The following GHSR variants were observed in gnomAD, a reference collection of about 807,000 sequenced individuals.
GHSR encodes the protein growth hormone secretagogue receptor type 1.
Under a neutral mutation model 24.0 loss-of-function variants are expected in GHSR, and 17 were observed. The ratio of observed to expected loss-of-function variants is 0.71; its 90% CI spans 0.49 to 1.06. The LOEUF is 1.06. Ranked by LOEUF, GHSR falls within the 50% of genes least tolerant of loss-of-function variation. The probability of loss-of-function intolerance (pLI) is 0.00; values close to 1 mark genes in which losing one functional copy is unlikely to be tolerated. For missense variants in GHSR, 504 were observed against 483.1 expected (o/e 1.04, Z -0.41); for synonymous variants, 238 against 208.1 (o/e 1.14, Z -1.24).
rs1737542172 is a variant in GHSR, at chr3:172,448,396, G to A, written c.18C>T (p.Pro6=). 2 of 1,595,778 alleles carry A rather than the reference G, an allele frequency of 1.3e-6. No individual in the cohort carries two copies. Among genetic ancestry groups the A allele is most frequent in the Admixed American group, 1.7e-5 (1 of 59,640 alleles). MWNAT[P]SEEPGFNLTL... ...TGAGGTTGAACCCCGGCTCTTCGCT[G>A]GGCGTCGCGTTCCACATGCTGCCGG... Residue 6 remains proline (P), a synonymous_variant, in exon 1 of 2, where the codon CCC becomes CCT. Coordinates refer to ENST00000241256, the MANE Select transcript of GHSR (RefSeq NM_198407.2). The surrounding 1 kb of genome is among the most constrained non-coding windows in gnomAD (Gnocchi z 4.8).
In GHSR at chr3:172,447,744, G is replaced by C. The variant is rs2108426201; in HGVS notation, c.670C>G (p.Pro224Ala). 17 of 1,614,164 alleles carry C rather than the reference G, an allele frequency of 1.1e-5. No individual in the cohort carries two copies. Among genetic ancestry groups the C allele is most frequent in the Non-Finnish European group, 1.4e-5 (17 of 1,180,034 alleles). ...TAGAGGACCGTGAGACAGAAGACAG[G>C]AAGGAAGAAGAAGATGCTGGACACC... Reference protein sequence around the residue: ...VWVSSIFFFLPVFCLTVLYSL... With the variant: ...VWVSSIFFFLAVFCLTVLYSL... The change falls in exon 1 of 2, where the codon CCT becomes GCT. Residue 224 changes from proline (P) to alanine (A), a missense_variant. Coordinates refer to ENST00000241256, the MANE Select transcript of GHSR (RefSeq NM_198407.2).
At chr3:172,445,492 T>C (rs1737439124) in intron 1 of GHSR, 27 bp from the exon 2 acceptor site, 1 of 1,599,114 alleles carries the variant, frequency 6.3e-7, no homozygotes, top group Non-Finnish European at 8.5e-7. Context: ...AGAGAGATAG[T>C]CAGCTCAAGA....
chr3:172,448,383 C>G lies in GHSR; in HGVS notation c.31G>C (p.Gly11Arg). The change falls in exon 1 of 2, where the codon GGG becomes CGG. Residue 11 changes from glycine (G) to arginine (R), a missense_variant. By Grantham distance (125) the Gly-to-Arg change is moderately radical (BLOSUM62 -2). Coordinates refer to ENST00000241256, the MANE Select transcript of GHSR (RefSeq NM_198407.2). The surrounding 1 kb of genome is among the most constrained non-coding windows in gnomAD (Gnocchi z 4.8). ...AGGTCGGCCAGTGTGAGGTTGAACC[C>G]CGGCTCTTCGCTGGGCGTCGCGTTC... MWNATPSEEP[G>R]FNLTLADLDW... 6.3e-7 allele frequency: 1 copy of G among 1,598,696 alleles called. No individual in the cohort carries two copies.
Position 172,444,427 on chromosome 3 carries a change from T to G in GHSR, c.*734A>C, listed in dbSNP as rs1737411536. ...GCAACTGAAGAACTGAATTTTTAAC[T>G]TTAATTAATTTTAAGTTTAAAGGTT... On this transcript the variant is annotated 3_prime_UTR_variant, in exon 2 of 2. Transcript: ENST00000241256. 6.6e-6 allele frequency among the ~76,000 whole-genome samples: 1 copy of G among 152,232 alleles called. No homozygotes were observed. The highest frequency in any genetic ancestry group is 2.4e-5 in the African/African-American group (1 of 41,452).
At position 172,448,046 on chromosome 3, in the gene GHSR, C is replaced by T. The variant is rs1737522535; in HGVS notation, c.368G>A (p.Ser123Asn). 3 of 1,614,092 alleles carry T rather than the reference C, an allele frequency of 1.9e-6. No individual in the cohort carries two copies. Among genetic ancestry groups the T allele is most frequent in the East Asian group, 2.2e-5 (1 of 44,894 alleles). The stretch of plus-strand genomic sequence containing the variant: ...CACCGTGGCGTAGGTGCAGCTCTCA[C>T]TGACGAATTGGAAGAGTTTGCAGAG... The part of the protein sequence containing the change: ...DLLCKLFQFV[S>N]ESCTYATVLT... The change falls in exon 1 of 2, where the codon AGT becomes AAT. Residue 123 changes from serine to asparagine, a missense_variant. Ser to Asn is a conservative substitution (Grantham distance 46). Transcript: ENST00000241256. The surrounding 1 kb of genome is among the most constrained non-coding windows in gnomAD (Gnocchi z 4.8).
In GHSR at chr3:172,443,389, A is replaced by C. The variant is rs976988745; in HGVS notation, c.*1772T>G. Among the ~76,000 whole-genome samples the C allele has an allele frequency of 2.6e-5, 4 of 152,210 alleles. No homozygotes were observed. Among genetic ancestry groups the C allele is most frequent in the South Asian group, 4.1e-4 (2 of 4,824 alleles). On this transcript the variant is annotated 3_prime_UTR_variant, in exon 2 of 2. Coordinates refer to ENST00000241256, the MANE Select transcript of GHSR (RefSeq NM_198407.2). ...TGGTGCAGTTTTAGTGTCAGAACGA[A>C]TCTCAGAAATATTTTTCTAGAGAAA... is the stretch of plus-strand genomic sequence containing the variant.
At position 172,445,048 on chromosome 3, in the gene GHSR, G is replaced by A. The variant is rs1420457147; in HGVS notation, c.*113C>T. 2.3e-4 allele frequency: 269 copies of A among 1,182,800 alleles called. 1 individual carries two copies. Among genetic ancestry groups the A allele is most frequent in the South Asian group, 8.7e-4 (70 of 80,312 alleles). The allele number at this position is 1,182,800 out of a possible 1,614,324, so 73.3% of individuals were successfully genotyped here. The stretch of plus-strand genomic sequence containing the variant: ...TCTTTTTTCCCTCCCAGATGTTTCT[G>A]GATCTATGTGTTCCTAATTCCAAAA... On this transcript the variant is annotated 3_prime_UTR_variant, in exon 2 of 2. Coordinates refer to ENST00000241256, the MANE Select transcript of GHSR (RefSeq NM_198407.2).
chr3:172,443,871 A>G lies in GHSR; in HGVS notation c.*1290T>C, dbSNP rs747895075. Among the ~76,000 whole-genome samples, 2 of 152,180 alleles carry G rather than the reference A, an allele frequency of 1.3e-5. No homozygotes were observed. The highest frequency in any genetic ancestry group is 1.9e-4 in the East Asian group (1 of 5,190). On this transcript the variant is annotated 3_prime_UTR_variant, in exon 2 of 2. Coordinates refer to ENST00000241256, the MANE Select transcript of GHSR (RefSeq NM_198407.2). ...CATAGACATTTAAAAATAAATGGCTATAAGATTTTTGAAAGTTTTTAATAT... is the reference window on the plus strand; with the variant it reads ...CATAGACATTTAAAAATAAATGGCTGTAAGATTTTTGAAAGTTTTTAATAT...
chr3:172,447,003 A>T (rs1737476734), intron 1 of GHSR, among the ~76,000 whole-genome samples: 1 of 152,230 alleles, frequency 6.6e-6, no homozygotes, highest in African/African-American at 2.4e-5. Context: ...TTATCTGAAA[A>T]AATGCAGGGC....
chr3:172,446,175 T>C (rs556161835), intron 1 of GHSR, among the ~76,000 whole-genome samples: 3 of 152,330 alleles, frequency 2.0e-5, no homozygotes, highest in South Asian at 2.1e-4. Flanking sequence ...TAACAAATAA[T>C]TTTTTAGTCG....
In GHSR at chr3:172,447,773, A is replaced by G. The variant is rs201709129; in HGVS notation, c.641T>C (p.Val214Ala). ...AVRSGLLTVM[V>A]WVSSIFFFLP... ...GAAGAAGAAGATGCTGGACACCCAC[A>G]CCATGACCGTGAGCAGTCCAGAGCG... Residue 214 changes from valine (V) to alanine (A), a missense_variant, in exon 1 of 2, where the codon GTG (valine) becomes GCG (alanine). Val to Ala is a moderately conservative substitution (Grantham distance 64). Transcript: ENST00000241256. 6.2e-7 allele frequency: 1 copy of G among 1,613,998 alleles called. No homozygotes were observed. The highest frequency in any genetic ancestry group is 1.7e-5 in the Admixed American group (1 of 60,022).
chr3:172,443,572 A>G lies in GHSR; in HGVS notation c.*1589T>C, dbSNP rs1181551288. Among the ~76,000 whole-genome samples, 1 of 152,222 alleles carries G rather than the reference A, an allele frequency of 6.6e-6. No individual in the cohort carries two copies. The highest frequency in any genetic ancestry group is 1.5e-5 in the Non-Finnish European group (1 of 68,030). ...TCCATAGTTGTGAACCAATAACTTC[A>G]TGAAGGAACTGCTTATATGACTAAG... On this transcript the variant is annotated 3_prime_UTR_variant, in exon 2 of 2. Coordinates refer to ENST00000241256, the MANE Select transcript of GHSR (RefSeq NM_198407.2).
rs1737396614 is a variant in GHSR, at chr3:172,443,908, AG to A, written c.*1252del. On this transcript the variant is annotated 3_prime_UTR_variant, in exon 2 of 2. Coordinates refer to ENST00000241256, the MANE Select transcript of GHSR (RefSeq NM_198407.2). ...AAAGTTTTTAATATCAATAAGCAGT[AG>A]CATTTAGGGGATTCTCAGTTTTTCA... Among the ~76,000 whole-genome samples the A allele has an allele frequency of 6.6e-6, 1 of 152,192 alleles. No homozygotes were observed. Among genetic ancestry groups the A allele is most frequent in the Non-Finnish European group, 1.5e-5 (1 of 68,006 alleles).
chr3:172,445,145 C>T lies in GHSR; in HGVS notation c.*16G>A, dbSNP rs1272956210. On this transcript the variant is annotated 3_prime_UTR_variant, in exon 2 of 2. Coordinates refer to ENST00000241256, the MANE Select transcript of GHSR (RefSeq NM_198407.2). Reference sequence around the variant, plus strand: ...TTTAGAGTAATAAGCGGTGACTGTACTCGCAATGTGCTAGGTCATGTATTA... The same window carrying T: ...TTTAGAGTAATAAGCGGTGACTGTATTCGCAATGTGCTAGGTCATGTATTA... The T allele has an allele frequency of 6.2e-6, 10 of 1,613,570 alleles. No individual in the cohort carries two copies. The highest frequency in any genetic ancestry group is 7.6e-6 in the Non-Finnish European group (9 of 1,179,732).
At position 172,445,340 on chromosome 3, in the gene GHSR, A is replaced by T; in HGVS notation, c.922T>A (p.Ser308Thr). 1 of 1,614,164 alleles carries T rather than the reference A, an allele frequency of 6.2e-7. No individual in the cohort carries two copies. The highest frequency in any genetic ancestry group is 8.5e-7 in the Non-Finnish European group (1 of 1,180,016). ...GCACTGAGGTAGAAGAGGACAAAGG[A>T]CACGAGGTTGCAGTACTGGCTGATC... ...AQISQYCNLV[S>T]FVLFYLSAAI... Residue 308 changes from serine (S) to threonine (T), a missense_variant, in exon 2 of 2, where the codon TCC becomes ACC. Ser to Thr is a moderately conservative substitution (Grantham distance 58). Transcript: ENST00000241256.
Position 172,448,031 on chromosome 3 carries a change from T to A in GHSR, c.383A>T (p.Tyr128Phe). 6.2e-7 allele frequency: 1 copy of A among 1,614,068 alleles called. No individual in the cohort carries two copies. Among genetic ancestry groups the A allele is most frequent in the Non-Finnish European group, 8.5e-7 (1 of 1,179,996 alleles). ...CGCTGTGATGGTGAGCACCGTGGCG[T>A]AGGTGCAGCTCTCACTGACGAATTG... Reference protein sequence around the residue: ...LFQFVSESCTYATVLTITALS... With the variant: ...LFQFVSESCTFATVLTITALS... The change falls in exon 1 of 2, where the codon TAC becomes TTC. Residue 128 changes from tyrosine (Y) to phenylalanine (F), a missense_variant. Transcript: ENST00000241256. This position sits in a 1 kb window ranked among gnomAD's most constrained non-coding sequence, Gnocchi z 4.8.
At chr3:172,447,203 A>G (rs1737483837) in intron 1 of GHSR, among the ~76,000 whole-genome samples, 1 of 152,218 alleles carries the variant, frequency 6.6e-6, no homozygotes, top group South Asian at 2.1e-4. Context: ...ACGCTTAAAG[A>G]CCACAATGGA....
At position 172,443,588 on chromosome 3, in the gene GHSR, T is replaced by C. The variant is rs1737390031; in HGVS notation, c.*1573A>G. Among the ~76,000 whole-genome samples, 1 of 152,212 alleles carries C rather than the reference T, an allele frequency of 6.6e-6. No homozygotes were observed. Among genetic ancestry groups the C allele is most frequent in the East Asian group, 1.9e-4 (1 of 5,206 alleles). On this transcript the variant is annotated 3_prime_UTR_variant, in exon 2 of 2. Transcript: ENST00000241256. ...AATAACTTCATGAAGGAACTGCTTA[T>C]ATGACTAAGTATTGCACAGGATTAT...
intron 1 of GHSR, among the ~76,000 whole-genome samples, chr3:172,446,260 A>T (rs1737461032): frequency 6.6e-6 from 1 of 152,262 alleles, no homozygotes; most frequent in African/African-American, 2.4e-5. Flanking sequence ...ACACCAATGA[A>T]GAAATTAATG....
Sources: allele counts gnomAD v4.1 joint callset (sites outside exome capture counted in the v4.1 genomes callset), GRCh38; gene constraint gnomAD v4.1.1; non-coding constraint Gnocchi (gnomAD v3.1); transcripts MANE v1.5; gene names NCBI Gene and HGNC (gene_info 2026-07-23, HGNC 2026-07-21).